The following ARHGAP22 variants were observed in gnomAD, a reference collection of about 807,000 sequenced individuals.
The protein encoded by ARHGAP22 is Rho GTPase activating protein 22.
In ARHGAP22, 48 loss-of-function variants were observed where a neutral mutation model predicts 59.1. The observed-to-expected ratio is 0.81, with a 90% CI of 0.64 to 1.03. The LOEUF is 1.03. Among genes scored for constraint, ARHGAP22 ranks in the 50% least tolerant of loss-of-function variants. The pLI, the probability that ARHGAP22 is intolerant of heterozygous loss-of-function variation, is 0.00. For missense variants in ARHGAP22, 1,015 were observed against 958.7 expected, an observed-to-expected ratio of 1.06 and a Z score of -0.78; for synonymous variants, 445 against 416.4, an observed-to-expected ratio of 1.07 and a Z score of -0.84.
intron 4 of ARHGAP22, among the ~76,000 whole-genome samples, chr10:48,468,988 A>T (rs185890185): frequency 6.6e-6 from 1 of 152,318 alleles, no homozygotes; most frequent in South Asian, 2.1e-4. Flanking sequence ...AGCTCTGAGC[A>T]GCCCTGTCCA....
At chr10:48,644,789 T>C (rs1243981964) in intron 1 of ARHGAP22, among the ~76,000 whole-genome samples, 1 of 152,192 alleles carries the variant, frequency 6.6e-6, no homozygotes, top group Non-Finnish European at 1.5e-5. Flanking sequence ...TAGGGAAATC[T>C]ATAGCTTTAA....
intron 3 of ARHGAP22, among the ~76,000 whole-genome samples, chr10:48,487,534 C>A (rs1317634285): frequency 6.6e-6 from 1 of 152,034 alleles, no homozygotes. Flanking sequence ...GTGAGAAGAA[C>A]CTGATCTGTC....
At chr10:48,528,671 G>A (rs925610838) in intron 3 of ARHGAP22, among the ~76,000 whole-genome samples, 1 of 152,158 alleles carries the variant, frequency 6.6e-6, no homozygotes, top group African/African-American at 2.4e-5. Context: ...TTGGAGGTGG[G>A]CCTAGTGGGA....
At chr10:48,472,125 T>C (rs923812505) in intron 4 of ARHGAP22, among the ~76,000 whole-genome samples, 12 of 151,798 alleles carry the variant, frequency 7.9e-5, no homozygotes, top group African/African-American at 2.7e-4. Flanking sequence ...GAGAATCGCT[T>C]GAACCCGGGG....
chr10:48,435,130 C>G, the ARHGAP22 span: 9 of 929,952 alleles, frequency 9.7e-6, no homozygotes, highest in Non-Finnish European at 1.2e-5. Flanking sequence ...GGTGATTTTT[C>G]AAAAAATGTA....
At chr10:48,561,484 A>G (rs2057684933) in intron 2 of ARHGAP22, among the ~76,000 whole-genome samples, 1 of 152,198 alleles carries the variant, frequency 6.6e-6, no homozygotes, top group African/African-American at 2.4e-5. Flanking sequence ...AAAAGAACTA[A>G]TTGATAAATA....
At chr10:48,545,952 A>C (rs955104370) in intron 3 of ARHGAP22, among the ~76,000 whole-genome samples, 3 of 152,192 alleles carry the variant, frequency 2.0e-5, no homozygotes, top group Non-Finnish European at 2.9e-5. Context: ...CACAGGGGGA[A>C]ACTGAGATTC....
the ARHGAP22 span, chr10:48,434,919 T>G: frequency 3.7e-6 from 6 of 1,613,580 alleles, no homozygotes; most frequent in South Asian, 6.6e-5. Context: ...GCATCCATCA[T>G]CATCGTCGTC....
chr10:48,555,156 C>T (rs567774998), intron 3 of ARHGAP22, among the ~76,000 whole-genome samples: 1 of 152,246 alleles, frequency 6.6e-6, no homozygotes, highest in African/African-American at 2.4e-5. Context: ...GCTTTATTTC[C>T]AGGTATTGTG....
intron 1 of ARHGAP22, among the ~76,000 whole-genome samples, chr10:48,611,969 C>T (rs2377521): frequency 0.43 from 62,809 of 145,950 alleles, 14,551 homozygotes; most frequent in Admixed American, 0.53. Context: ...ACTACAGGTG[C>T]GTGCCACCAC....
In ARHGAP22 at chr10:48,632,860, G is replaced by A. The variant is rs183573890; in HGVS notation, c.52+19374C>T. ...ATTTTACCTTGTTGTAAGGATGAGA[G>A]TGAAAATGTCTAAGCTTTTCACATG... On this transcript the variant is annotated intron_variant, in intron 1 of 9. Transcript: ENST00000435790. 2.0e-5 allele frequency among the ~76,000 whole-genome samples: 3 copies of A among 152,360 alleles called. No homozygotes were observed. In the East Asian group the frequency reaches 5.8e-4, roughly 29 times the overall value.
At chr10:48,484,769 T>C (rs1464993522) in intron 3 of ARHGAP22, among the ~76,000 whole-genome samples, 1 of 152,252 alleles carries the variant, frequency 6.6e-6, no homozygotes, top group Non-Finnish European at 1.5e-5. Flanking sequence ...ATAATGTTCC[T>C]TTATTATCCT....
At chr10:48,499,343 C>T (rs567150813) in intron 3 of ARHGAP22, among the ~76,000 whole-genome samples, 7 of 152,360 alleles carry the variant, frequency 4.6e-5, no homozygotes, top group African/African-American at 1.4e-4. Flanking sequence ...GGGCAGGCCT[C>T]GCTGGCTTGC....
At chr10:48,444,300 G>GTGGGTAGTGGT (rs1589373654), downstream of ARHGAP22, 1 of 152,048 alleles carries the variant, frequency 6.6e-6, no homozygotes, top group Non-Finnish European at 1.5e-5. Context: ...ATTGAGAGAA[G>GTGGGTAGTGGT]TGGGTAGTGG....
intron 3 of ARHGAP22, among the ~76,000 whole-genome samples, chr10:48,501,210 A>G (rs1416036259): frequency 6.6e-6 from 1 of 152,280 alleles, no homozygotes. Flanking sequence ...GGACAGAGAA[A>G]GAGAACAGTG....
At chr10:48,650,924 G>T (rs997508052) in intron 1 of ARHGAP22, among the ~76,000 whole-genome samples, 1 of 152,142 alleles carries the variant, frequency 6.6e-6, no homozygotes, top group African/African-American at 2.4e-5. Flanking sequence ...GCACGAGGCC[G>T]GCCCAGGGGT....
chr10:48,542,392 A>G (rs1251756109), intron 3 of ARHGAP22, among the ~76,000 whole-genome samples: 4 of 152,168 alleles, frequency 2.6e-5, no homozygotes, highest in Non-Finnish European at 5.9e-5. Flanking sequence ...GTGTCTTGAA[A>G]TTCTTAATCA....
chr10:48,620,108 T>G lies in ARHGAP22; in HGVS notation c.52+32126A>C, dbSNP rs182480821. ...GTATTACCTTTGATCAGTAAGAAAA[T>G]AGATTTACTTCAAGCTATGAAAATA... is the stretch of plus-strand genomic sequence containing the variant. On this transcript the variant is annotated intron_variant, in intron 1 of 9. Transcript: ENST00000435790. Among the ~76,000 whole-genome samples the G allele has an allele frequency of 5.9e-5, 9 of 152,202 alleles. No individual in the cohort carries two copies. In the East Asian group the frequency reaches 1.7e-3, roughly 29 times the overall value.
chr10:48,493,456 C>T (rs1243545362), intron 3 of ARHGAP22: 4 of 1,535,962 alleles, frequency 2.6e-6, no homozygotes, highest in Non-Finnish European at 2.6e-6. Flanking sequence ...CATACGCCTG[C>T]TCCTCTTCAG....
Sources: allele counts gnomAD v4.1 joint callset (sites outside exome capture counted in the v4.1 genomes callset), GRCh38; gene constraint gnomAD v4.1.1; transcripts MANE v1.5; gene names NCBI Gene and HGNC (gene_info 2026-07-23, HGNC 2026-07-21).